The following ANO6 variants were observed in gnomAD, a reference collection of about 807,000 sequenced individuals.
The protein encoded by ANO6 is anoctamin 6.
In ANO6, 106 loss-of-function variants were observed where a neutral mutation model predicts 117.5. The ratio of observed to expected loss-of-function variants is 0.90; its 90% CI spans 0.77 to 1.06. ANO6 has a LOEUF of 1.06. Among genes scored for constraint, ANO6 ranks in the 50% least tolerant of loss-of-function variants. The pLI is 0.00. For missense variants in ANO6, 955 were observed against 1,121.1 expected, an observed-to-expected ratio of 0.85 and a Z score of 2.12; for synonymous variants, 367 against 385.1, an observed-to-expected ratio of 0.95 and a Z score of 0.55.
chr12:45,354,432 G>A (rs769719558), intron 7 of ANO6, among the ~76,000 whole-genome samples: 1 of 152,066 alleles, frequency 6.6e-6, no homozygotes, highest in Non-Finnish European at 1.5e-5. Context: ...TAATGGAGGA[G>A]GTGCTCCACC....
intron 2 of ANO6, among the ~76,000 whole-genome samples, chr12:45,322,164 G>A (rs1334726799): frequency 6.6e-6 from 1 of 152,116 alleles, no homozygotes; most frequent in Non-Finnish European, 1.5e-5. Flanking sequence ...GGTCTGTGGA[G>A]CACACATCCA....
At chr12:45,314,482 C>T (rs1004133983) in intron 2 of ANO6, among the ~76,000 whole-genome samples, 1 of 149,648 alleles carries the variant, frequency 6.7e-6, no homozygotes, top group Non-Finnish European at 1.5e-5. Context: ...TATACACACA[C>T]ACACACACAC....
intron 1 of ANO6, among the ~76,000 whole-genome samples, chr12:45,258,506 TG>T (rs1937914924): frequency 6.6e-6 from 1 of 152,184 alleles, no homozygotes; most frequent in Admixed American, 6.5e-5. Flanking sequence ...CTACCTCATT[TG>T]GTGCCCTCTA....
Position 45,362,807 on chromosome 12 carries a change from A to G in ANO6, c.999-4881A>G, listed in dbSNP as rs191723774. 3.0e-3 allele frequency among the ~76,000 whole-genome samples: 460 copies of G among 152,302 alleles called. 2 individuals are homozygous for G. Among genetic ancestry groups the G allele is most frequent in the African/African-American group, 0.01 (429 of 41,578 alleles). On this transcript the variant is annotated intron_variant, in intron 8 of 19. Transcript: ENST00000320560. Reference sequence around the variant, plus strand: ...GTACACAAAAACTTTACTTTGGTACAGATCTGTTCCTTCTCTACTCCTTTG... The same window carrying G: ...GTACACAAAAACTTTACTTTGGTACGGATCTGTTCCTTCTCTACTCCTTTG...
chr12:45,433,071 CT>C (rs1228905278), downstream of ANO6, among the ~76,000 whole-genome samples: 5 of 152,196 alleles, frequency 3.3e-5, no homozygotes, highest in Non-Finnish European at 7.3e-5. Context: ...TGATGAATAA[CT>C]GACAGCTTCC....
chr12:45,284,686 C>T (rs1426816184), intron 1 of ANO6, among the ~76,000 whole-genome samples: 1 of 152,198 alleles, frequency 6.6e-6, no homozygotes, highest in Non-Finnish European at 1.5e-5. Context: ...AGCCTTCACA[C>T]GTAAAATACC....
At chr12:45,216,681 C>G (rs577184061) in intron 1 of ANO6, among the ~76,000 whole-genome samples, 9 of 152,340 alleles carry the variant, frequency 5.9e-5, no homozygotes, top group African/African-American at 2.2e-4. Flanking sequence ...CCTCTGCGTG[C>G]GGAAGTCTCC....
intron 1 of ANO6, among the ~76,000 whole-genome samples, chr12:45,237,532 G>T (rs910062518): frequency 1.3e-5 from 2 of 152,188 alleles, no homozygotes; most frequent in Non-Finnish European, 2.9e-5. Context: ...TCAGTTGGTT[G>T]TAGATGTGTG....
At chr12:45,316,857 T>TA (rs1940045205) in intron 2 of ANO6, among the ~76,000 whole-genome samples, 1 of 150,566 alleles carries the variant, frequency 6.6e-6, no homozygotes, top group Non-Finnish European at 1.5e-5. Context: ...TTAATATTCT[T>TA]ACACTTCACA....
At chr12:45,376,029 A>T (rs1392544338) in intron 9 of ANO6, among the ~76,000 whole-genome samples, 12 of 148,638 alleles carry the variant, frequency 8.1e-5, no homozygotes, top group South Asian at 4.3e-4. Context: ...ACCCCATCAA[A>T]AAGTGGGTGA....
chr12:45,241,853 C>G (rs965305160), intron 1 of ANO6, among the ~76,000 whole-genome samples: 15 of 152,206 alleles, frequency 9.9e-5, no homozygotes, highest in Non-Finnish European at 2.2e-4. Context: ...ACTCCAGACC[C>G]TGTTTGCCTG....
At chr12:45,317,810 C>T (rs1228194782) in intron 2 of ANO6, among the ~76,000 whole-genome samples, 1 of 152,202 alleles carries the variant, frequency 6.6e-6, no homozygotes, top group Non-Finnish European at 1.5e-5. Context: ...TAATGATCGC[C>T]ATTCTAACTG....
At chr12:45,424,228 C>T (rs1943436798) in intron 19 of ANO6, among the ~76,000 whole-genome samples, 1 of 151,732 alleles carries the variant, frequency 6.6e-6, no homozygotes, top group African/African-American at 2.4e-5. Context: ...GGACCATCCC[C>T]ACTGCAAAAC....
At chr12:45,305,407 C>A (rs932286638) in intron 2 of ANO6, among the ~76,000 whole-genome samples, 10 of 152,150 alleles carry the variant, frequency 6.6e-5, no homozygotes, top group Admixed American at 5.9e-4. Context: ...GTTTTGTTTT[C>A]TCCAACATTG....
intron 2 of ANO6, among the ~76,000 whole-genome samples, chr12:45,309,706 A>G (rs1939789486): frequency 6.6e-6 from 1 of 151,752 alleles, no homozygotes; most frequent in South Asian, 2.1e-4. Flanking sequence ...CCAGAAACCC[A>G]ACTAAACTCT....
chr12:45,262,485 G>A (rs1207004847), intron 1 of ANO6, among the ~76,000 whole-genome samples: 4 of 151,566 alleles, frequency 2.6e-5, no homozygotes, highest in South Asian at 2.1e-4. Context: ...GTGCAATGGC[G>A]CGATCTCTGG....
At chr12:45,422,660 C>T (rs1302738195) in intron 18 of ANO6, among the ~76,000 whole-genome samples, 1 of 151,654 alleles carries the variant, frequency 6.6e-6, no homozygotes, top group Admixed American at 6.6e-5. Flanking sequence ...CTGCAACCTT[C>T]ACCTCTCGGG....
At chr12:45,264,422 T>G (rs2137219305) in intron 1 of ANO6, among the ~76,000 whole-genome samples, 1 of 152,346 alleles carries the variant, frequency 6.6e-6, no homozygotes, top group South Asian at 2.1e-4. Context: ...AAAGTTTCTG[T>G]TGACTCTGGT....
intron 19 of ANO6, among the ~76,000 whole-genome samples, chr12:45,427,733 G>GGTT (rs2137727605): frequency 6.7e-6 from 1 of 148,558 alleles, no homozygotes; most frequent in African/African-American, 2.5e-5. Flanking sequence ...TCACTAAGTT[G>GGTT]GTTTAAAAAA....
Sources: allele counts gnomAD v4.1 joint callset (sites outside exome capture counted in the v4.1 genomes callset), GRCh38; gene constraint gnomAD v4.1.1; transcripts MANE v1.5; gene names NCBI Gene and HGNC (gene_info 2026-07-23, HGNC 2026-07-21).